Variants in PTN observed in about 807,000 individuals in gnomAD.
The protein encoded by PTN is heparin affin regulatory protein.
Under a neutral mutation model 24.1 loss-of-function variants are expected in PTN, and 18 were observed. That is an observed-to-expected ratio of 0.75 (90% confidence interval 0.52 to 1.11). The LOEUF is 1.11. Ranked by LOEUF, PTN falls within the 50% of genes least tolerant of loss-of-function variation. The pLI is 0.00. For synonymous variants in PTN, 78 were observed against 68.6 expected, an observed-to-expected ratio of 1.14 and a Z score of -0.67; for missense variants, 163 against 198.8, an observed-to-expected ratio of 0.82 and a Z score of 1.08.
intron 1 of PTN, among the ~76,000 whole-genome samples, chr7:137,323,173 A>G (rs322331): frequency 0.87 from 132,912 of 152,164 alleles, 58,231 homozygotes; most frequent in Admixed American, 0.92. Context: ...AGACAGGGAG[A>G]CAACAAAAGT....
At chr7:137,275,762 A>T (rs532048785) in intron 1 of PTN, among the ~76,000 whole-genome samples, 1 of 152,338 alleles carries the variant, frequency 6.6e-6, no homozygotes, top group Non-Finnish European at 1.5e-5. Context: ...ATCCATAATC[A>T]TTCAACCTAA....
intron 4 of PTN, among the ~76,000 whole-genome samples, chr7:137,241,872 T>C (rs1310166227): frequency 1.3e-5 from 2 of 152,170 alleles, no homozygotes; most frequent in East Asian, 3.9e-4. Flanking sequence ...GCAGTAATCA[T>C]CAACCTCTTC....
chr7:137,260,222 T>C (rs1809009880), intron 1 of PTN, among the ~76,000 whole-genome samples: 1 of 152,164 alleles, frequency 6.6e-6, no homozygotes, highest in Non-Finnish European at 1.5e-5. Context: ...TTGTTTCACA[T>C]TGCCAGATTG....
At position 137,285,547 on chromosome 7, in the gene PTN, T is replaced by A. The variant is rs111276571; in HGVS notation, c.-1-30573A>T. Among the ~76,000 whole-genome samples the A allele has an allele frequency of 1.4e-3, 212 of 152,068 alleles. 1 individual carries two copies. Among genetic ancestry groups the A allele is most frequent in the African/African-American group, 4.8e-3 (200 of 41,488 alleles). On this transcript the variant is annotated intron_variant, in intron 1 of 4. Coordinates refer to ENST00000348225, the MANE Select transcript of PTN (RefSeq NM_002825.7). ...CAGACATGGTGGCGTGTGCCTGTAG[T>A]CAGTCCCAGCTACTCAAGAGGCTGA... is the stretch of plus-strand genomic sequence containing the variant.
chr7:137,237,665 C>T (rs2128868477), intron 4 of PTN, among the ~76,000 whole-genome samples: 1 of 152,246 alleles, frequency 6.6e-6, no homozygotes, highest in Admixed American at 6.5e-5. Flanking sequence ...TTTCACCCCC[C>T]TTCAAACATG....
chr7:137,321,021 T>C (rs1169905591), intron 1 of PTN, among the ~76,000 whole-genome samples: 2 of 152,184 alleles, frequency 1.3e-5, no homozygotes, highest in Non-Finnish European at 2.9e-5. Flanking sequence ...TATTCAACAA[T>C]GTACTTTGTG....
rs190233403 is a variant in PTN, at chr7:137,283,638, C to G, written c.-1-28664G>C. On this transcript the variant is annotated intron_variant, in intron 1 of 4. Coordinates refer to ENST00000348225, the MANE Select transcript of PTN (RefSeq NM_002825.7). ...TATAGTTTGATAAGGATACCCACCC[C>G]CATCCACTCTGCTACATTATTTGCA... is the stretch of plus-strand genomic sequence containing the variant. 1.1e-4 allele frequency among the ~76,000 whole-genome samples: 16 copies of G among 152,230 alleles called. No individual in the cohort carries two copies. The East Asian group carries it at 3.1e-3, about 29-fold the overall frequency.
intron 1 of PTN, among the ~76,000 whole-genome samples, chr7:137,322,542 T>C (rs1417577474): frequency 2.0e-5 from 3 of 152,162 alleles, no homozygotes; most frequent in Non-Finnish European, 4.4e-5. Flanking sequence ...TTATGACCTA[T>C]CATTAAAAAC....
Position 137,271,745 on chromosome 7 carries a change from T to C in PTN, c.-1-16771A>G, listed in dbSNP as rs139479781. Among the ~76,000 whole-genome samples the C allele has an allele frequency of 8.3e-3, 1,270 of 152,342 alleles. 11 individuals carry two copies. The highest frequency in any genetic ancestry group is 0.012 in the Non-Finnish European group (816 of 68,028). On this transcript the variant is annotated intron_variant, in intron 1 of 4. Coordinates refer to ENST00000348225, the MANE Select transcript of PTN (RefSeq NM_002825.7). ...CAAGTCTATCTGCTGCAACGTGGTA[T>C]AGGGGAGCAAATAAGAGTTTTAGAC... is the stretch of plus-strand genomic sequence containing the variant.
At chr7:137,322,111 T>A (rs1407185694) in intron 1 of PTN, among the ~76,000 whole-genome samples, 1 of 152,184 alleles carries the variant, frequency 6.6e-6, no homozygotes, top group East Asian at 1.9e-4. Flanking sequence ...TAACTCATTA[T>A]CCTCTTTTAT....
intron 1 of PTN, among the ~76,000 whole-genome samples, chr7:137,337,459 A>T (rs1231852710): frequency 6.6e-6 from 1 of 152,206 alleles, no homozygotes; most frequent in Non-Finnish European, 1.5e-5. Flanking sequence ...AGTTACAAAA[A>T]TATGATGAAA....
At chr7:137,309,937 A>T (rs1809952149) in intron 1 of PTN, among the ~76,000 whole-genome samples, 1 of 152,212 alleles carries the variant, frequency 6.6e-6, no homozygotes, top group African/African-American at 2.4e-5. Context: ...TGGCATCTAG[A>T]ATGATGAATC....
At chr7:137,319,046 A>C (rs1392992476) in intron 1 of PTN, among the ~76,000 whole-genome samples, 1 of 152,002 alleles carries the variant, frequency 6.6e-6, no homozygotes, top group Non-Finnish European at 1.5e-5. Context: ...ACTTTTGTCC[A>C]CCACTCTCTA....
At chr7:137,263,973 C>G (rs559252528) in intron 1 of PTN, among the ~76,000 whole-genome samples, 28 of 152,314 alleles carry the variant, frequency 1.8e-4, no homozygotes, top group African/African-American at 6.0e-4. Context: ...GGTACTATTA[C>G]ACAGTTTTTG....
At chr7:137,336,172 G>A (rs756520777) in intron 1 of PTN, among the ~76,000 whole-genome samples, 3 of 152,064 alleles carry the variant, frequency 2.0e-5, no homozygotes, top group Non-Finnish European at 4.4e-5. Flanking sequence ...ATGTTGCGTC[G>A]TGACCATTGA....
chr7:137,234,402 G>A (rs946813699), intron 4 of PTN, among the ~76,000 whole-genome samples: 1 of 151,992 alleles, frequency 6.6e-6, no homozygotes, highest in African/African-American at 2.4e-5. Flanking sequence ...TATGTGTCGG[G>A]AAATTTATTT....
chr7:137,229,453 T>C (rs758018499), intron 4 of PTN, among the ~76,000 whole-genome samples: 5 of 151,764 alleles, frequency 3.3e-5, no homozygotes, highest in Non-Finnish European at 7.4e-5. Context: ...TGTATATTTC[T>C]CAGCTCATAC....
At chr7:137,266,563 T>C (rs1809150310) in intron 1 of PTN, among the ~76,000 whole-genome samples, 1 of 152,064 alleles carries the variant, frequency 6.6e-6, no homozygotes, top group Non-Finnish European at 1.5e-5. Context: ...AAACAACCAG[T>C]TAATTTATTT....
intron 4 of PTN, among the ~76,000 whole-genome samples, chr7:137,242,832 C>A (rs1345232605): frequency 6.6e-6 from 1 of 152,210 alleles, no homozygotes; most frequent in Non-Finnish European, 1.5e-5. Context: ...TATAGAGCCA[C>A]AGCACCCCCA....
Sources: gnomAD v4.1 joint callset for allele counts (sites outside exome capture counted in the v4.1 genomes callset) on GRCh38, gnomAD v4.1.1 for gene constraint, MANE v1.5 for transcripts, NCBI Gene and HGNC (gene_info 2026-07-23, HGNC 2026-07-21) for gene names.